PFKFB1: variants seen among roughly 807,000 people sequenced by gnomAD.
PFKFB1 encodes the protein 6-phosphofructo-2-kinase/fructose-2,6-biphosphatase 1.
Under a neutral mutation model 46.4 loss-of-function variants are expected in PFKFB1, and 34 were observed. That is an observed-to-expected ratio of 0.73 (90% CI 0.56 to 0.98). PFKFB1 has a LOEUF of 0.98. Among genes scored for constraint, PFKFB1 ranks in the 50% least tolerant of loss-of-function variants. The pLI is 0.00. For synonymous variants in PFKFB1, 119 were observed against 133.8 expected (o/e 0.89, Z 0.76); for missense variants, 393 against 376.3 (o/e 1.04, Z -0.37).
intron 1 of PFKFB1, among the ~76,000 whole-genome samples, chrX:54,969,520 G>A (rs1412606643): frequency 1.8e-5 from 2 of 111,651 alleles, no homozygotes; most frequent in African/African-American, 6.5e-5. Flanking sequence ...TTCTGTTTTA[G>A]CAGCACAAAA....
intron 1 of PFKFB1, among the ~76,000 whole-genome samples, chrX:54,976,348 T>A (rs947798212): frequency 9.0e-6 from 1 of 111,344 alleles, no homozygotes; most frequent in African/African-American, 3.3e-5. Context: ...CCAACCCAAA[T>A]GTACAGATGG....
chrX:54,977,783 C>A (rs924777434), intron 1 of PFKFB1, among the ~76,000 whole-genome samples: 1 of 110,209 alleles, frequency 9.1e-6, no homozygotes, highest in Admixed American at 9.8e-5. Context: ...AAAAAAGTAA[C>A]GAAGTGCTAG....
chrX:54,959,733 C>T (rs1308928247), intron 4 of PFKFB1, 94 bp downstream of exon 4: 2 of 553,535 alleles, frequency 3.6e-6, no homozygotes, highest in East Asian at 3.6e-5. Context: ...ATACTCAGAA[C>T]ATAATGTTCT....
intron 1 of PFKFB1, among the ~76,000 whole-genome samples, chrX:54,992,798 C>A (rs1045689443): frequency 9.0e-5 from 10 of 111,219 alleles, no homozygotes; most frequent in African/African-American, 3.3e-4. Context: ...GCTGGCTGGG[C>A]GAGGGTACCT....
intron 1 of PFKFB1, among the ~76,000 whole-genome samples, chrX:54,985,466 A>G (rs73214613): frequency 0.028 from 3,101 of 111,373 alleles, 51 homozygotes; most frequent in Non-Finnish European, 0.047. Context: ...GCCAAAAACT[A>G]TGCACTCCAA....
intron 10 of PFKFB1, among the ~76,000 whole-genome samples, chrX:54,941,158 A>T (rs1933615489): frequency 8.9e-6 from 1 of 112,381 alleles, no homozygotes; most frequent in Non-Finnish European, 1.9e-5. Flanking sequence ...TCCCTATTTA[A>T]TAAACGGTGC....
intron 1 of PFKFB1, among the ~76,000 whole-genome samples, chrX:54,975,825 G>T (rs753864400): frequency 2.2e-4 from 24 of 111,330 alleles, no homozygotes; most frequent in Non-Finnish European, 3.8e-4. Context: ...TTGGACAAAG[G>T]TACAAAGTCA....
At chrX:54,985,589 C>A (rs1935093359) in intron 1 of PFKFB1, among the ~76,000 whole-genome samples, 1 of 111,161 alleles carries the variant, frequency 9.0e-6, no homozygotes, top group African/African-American at 3.3e-5. Flanking sequence ...GAAGGTAATT[C>A]AAACCCACAG....
rs779266579 is a variant in PFKFB1 at position 54,945,721 on chromosome X, CGTGT to C, written c.994-182_994-179del. ...GTATGCGTGTGTGTGTGTGTGTGTG[CGTGT>C]GTGTGTGTGTGTGTGTGTGAGGTGT... On this transcript the variant is annotated intron_variant, in intron 9 of 13. Coordinates refer to ENST00000375006, the MANE Select transcript of PFKFB1 (RefSeq NM_002625.4). Among the ~76,000 whole-genome samples, 297 of 88,719 alleles carry C rather than the reference CGTGT, an allele frequency of 3.3e-3. 1 individual carries two copies. The highest frequency in any genetic ancestry group is 5.7e-3 in the Middle Eastern group (1 of 175). The allele number at this position is 88,719 out of a possible 115,157, so 77.0% of individuals were successfully genotyped here.
intron 6 of PFKFB1, 102 bp from the exon 7 acceptor site, chrX:54,956,376 T>C: frequency 1.0e-6 from 1 of 988,164 alleles, no homozygotes; most frequent in Non-Finnish European, 1.4e-6. Flanking sequence ...TGCCTCATTA[T>C]AAAGATGAGG....
chrX:54,963,510 G>T, intron 1 of PFKFB1, 128 bp from the exon 2 acceptor site: 2 of 674,554 alleles, frequency 3.0e-6, no homozygotes, highest in Non-Finnish European at 4.3e-6. Context: ...CCGGGAAAGT[G>T]AAAATTAAGA....
chrX:54,997,715 C>T (rs1346470964), upstream of PFKFB1, among the ~76,000 whole-genome samples: 4 of 111,470 alleles, frequency 3.6e-5, no homozygotes, highest in Admixed American at 1.9e-4. Flanking sequence ...CTAGGATCCC[C>T]TTCCTTCTCA....
chrX:54,937,491 T>C (rs1569546627), intron 11 of PFKFB1, 104 bp downstream of exon 11: 3 of 743,885 alleles, frequency 4.0e-6, no homozygotes, highest in Non-Finnish European at 5.8e-6. Context: ...GGCATCCTTG[T>C]TCTAGATACT....
intron 11 of PFKFB1, among the ~76,000 whole-genome samples, chrX:54,936,767 G>A (rs752237396): frequency 1.2e-4 from 13 of 112,021 alleles, no homozygotes; most frequent in African/African-American, 4.2e-4. Flanking sequence ...AGTGCCCTGG[G>A]TTCCAATTCT....
At chrX:54,980,597 A>G (rs35995915) in intron 1 of PFKFB1, among the ~76,000 whole-genome samples, 4,203 of 109,706 alleles carry the variant, frequency 0.038, 223 homozygotes, top group African/African-American at 0.13. Flanking sequence ...CCTTGGCTCA[A>G]TCGTGGAGGG....
At chrX:54,973,505 G>C (rs2146662017) in intron 1 of PFKFB1, among the ~76,000 whole-genome samples, 1 of 110,916 alleles carries the variant, frequency 9.0e-6, no homozygotes, top group African/African-American at 3.3e-5. Flanking sequence ...TCTACACACT[G>C]CTTTGAATGC....
At position 54,968,471 on chromosome X, in the gene PFKFB1, TA is replaced by T. The variant is rs891942310; in HGVS notation, c.98-5090del. Reference sequence around the variant, plus strand: ...ATGTACCCTAAAACTTAAAGTATAATAAAAAAAAAGAATCAAATGGATATTT... The same window carrying T: ...ATGTACCCTAAAACTTAAAGTATAATAAAAAAAAGAATCAAATGGATATTT... On this transcript the variant is annotated intron_variant, in intron 1 of 13. Transcript: ENST00000375006. 2.2e-4 allele frequency among the ~76,000 whole-genome samples: 23 copies of T among 106,477 alleles called. No individual in the cohort carries two copies. In the East Asian group the frequency reaches 2.6e-3, roughly 12 times the overall value. The allele number at this position is 106,477 out of a possible 115,157, so 92.5% of individuals were successfully genotyped here.
intron 10 of PFKFB1, among the ~76,000 whole-genome samples, chrX:54,943,253 A>G (rs1284894402): frequency 1.8e-5 from 2 of 111,810 alleles, no homozygotes; most frequent in African/African-American, 3.3e-5. Flanking sequence ...GCCAGAGAGG[A>G]AAGAAAACTA....
chrX:54,937,594 C>T lies in PFKFB1; in HGVS notation c.1228+1G>A. 1.7e-6 allele frequency: 2 copies of T among 1,209,286 alleles called. No individual in the cohort carries two copies. The highest frequency in any genetic ancestry group is 1.8e-5 in the South Asian group (1 of 56,691). ...TCCCAAAGCAGAGATGAGGGTAGTA[C>T]CTGAACTTTTATCCAGGAAATAGGC... On this transcript the variant is annotated splice_donor_variant, in intron 11 of 13. Transcript: ENST00000375006. LOFTEE classifies it high-confidence loss of function.
Sources: allele counts gnomAD v4.1 joint callset (sites outside exome capture counted in the v4.1 genomes callset), GRCh38; gene constraint gnomAD v4.1.1; transcripts MANE v1.5; gene names NCBI Gene and HGNC (gene_info 2026-07-23, HGNC 2026-07-21).